Variants in ADAMTS3 observed in about 807,000 individuals in gnomAD.
ADAMTS3 encodes A disintegrin and metalloproteinase with thrombospondin motifs 3.
ADAMTS3 carries 73 observed loss-of-function variants against 129.0 expected under a neutral mutation model. The ratio of observed to expected loss-of-function variants is 0.57; its 90% confidence interval spans 0.47 to 0.69. The LOEUF is 0.69. Among genes scored for constraint, ADAMTS3 ranks in the 30% least tolerant of loss-of-function variants. The probability of loss-of-function intolerance (pLI) is 0.00; values close to 1 mark genes in which losing one functional copy is unlikely to be tolerated. For missense variants in ADAMTS3, 1,457 were observed against 1,514.5 expected, an observed-to-expected ratio of 0.96 and a Z score of 0.63; for synonymous variants, 477 against 510.8, an observed-to-expected ratio of 0.93 and a Z score of 0.89.
intron 3 of ADAMTS3, among the ~76,000 whole-genome samples, chr4:72,437,917 G>A (rs930300785): frequency 2.6e-5 from 4 of 151,604 alleles, no homozygotes; most frequent in African/African-American, 9.7e-5. Context: ...AAACACCCTC[G>A]ATAAGATTTT....
intron 3 of ADAMTS3, among the ~76,000 whole-genome samples, chr4:72,471,784 TTAA>T (rs1405345150): frequency 2.0e-5 from 3 of 152,074 alleles, no homozygotes; most frequent in Admixed American, 6.6e-5. Flanking sequence ...ACTGTAAAAA[TTAA>T]TAAATCAATA....
Position 72,290,968 on chromosome 4 carries a change from C to T in ADAMTS3, c.2818G>A (p.Gly940Ser), listed in dbSNP as rs749578202. ...TTGCTGTGCACAGAGCGGTTGGTGCCATCAAGGAGTGGCTGAAGGCAGCGT... is the reference window on the plus strand; with the variant it reads ...TTGCTGTGCACAGAGCGGTTGGTGCTATCAAGGAGTGGCTGAAGGCAGCGT... ...TVRCLQPLLDGTNRSVHSKYC... is the reference protein window; with the variant it reads ...TVRCLQPLLDSTNRSVHSKYC... Residue 940 changes from glycine to serine, a missense_variant, in exon 20 of 22, where the codon GGC becomes AGC. Coordinates refer to ENST00000286657, the MANE Select transcript of ADAMTS3 (RefSeq NM_014243.3). 1 of 1,613,910 alleles carries T rather than the reference C, an allele frequency of 6.2e-7. No individual in the cohort carries two copies. The highest frequency in any genetic ancestry group is 1.3e-5 in the African/African-American group (1 of 74,916).
intron 3 of ADAMTS3, among the ~76,000 whole-genome samples, chr4:72,415,642 G>A (rs1722285647): frequency 6.6e-6 from 1 of 151,676 alleles, no homozygotes; most frequent in Admixed American, 6.6e-5. Flanking sequence ...CTTTCACACT[G>A]AAAAGCCTAC....
intron 3 of ADAMTS3, 85 bp downstream of exon 3, chr4:72,548,393 C>G: frequency 7.2e-7 from 1 of 1,391,286 alleles, no homozygotes; most frequent in Non-Finnish European, 9.8e-7. Context: ...AGCCTCCTTT[C>G]CACCTCCACC....
intron 3 of ADAMTS3, among the ~76,000 whole-genome samples, chr4:72,470,672 CT>C (rs1439708326): frequency 6.6e-6 from 1 of 151,952 alleles, no homozygotes; most frequent in Non-Finnish European, 1.5e-5. Flanking sequence ...ACCTTTTTCA[CT>C]GTGTTGATAT....
intron 3 of ADAMTS3, among the ~76,000 whole-genome samples, chr4:72,525,327 T>G (rs1415540707): frequency 6.6e-6 from 1 of 152,198 alleles, no homozygotes; most frequent in Non-Finnish European, 1.5e-5. Flanking sequence ...GTCCTCAGAC[T>G]TTTCCCTGAA....
intron 3 of ADAMTS3, among the ~76,000 whole-genome samples, chr4:72,445,940 G>A (rs1040629037): frequency 4.6e-5 from 7 of 151,622 alleles, no homozygotes; most frequent in African/African-American, 1.7e-4. Flanking sequence ...AAACTACAAG[G>A]GATTGAGTAC....
intron 3 of ADAMTS3, among the ~76,000 whole-genome samples, chr4:72,524,266 G>A (rs546642695): frequency 1.3e-5 from 2 of 151,968 alleles, no homozygotes; most frequent in Non-Finnish European, 2.9e-5. Context: ...AAGGTAGGAA[G>A]GTATGCAAGT....
At chr4:72,403,214 T>C (rs2109911523) in intron 4 of ADAMTS3, among the ~76,000 whole-genome samples, 2 of 152,216 alleles carry the variant, frequency 1.3e-5, no homozygotes, top group Admixed American at 1.3e-4. Context: ...CTGGACATGG[T>C]ACTTCTGTCA....
intron 15 of ADAMTS3, among the ~76,000 whole-genome samples, chr4:72,307,745 A>G (rs1719125442): frequency 6.6e-6 from 1 of 152,058 alleles, no homozygotes; most frequent in Non-Finnish European, 1.5e-5. Context: ...TGCAGATTTC[A>G]TTTTCCAGCA....
intron 3 of ADAMTS3, among the ~76,000 whole-genome samples, chr4:72,423,849 T>C (rs1023201983): frequency 6.6e-6 from 1 of 152,046 alleles, no homozygotes; most frequent in Non-Finnish European, 1.5e-5. Context: ...ACTCAACTAT[T>C]GAGATGCATT....
intron 4 of ADAMTS3, among the ~76,000 whole-genome samples, chr4:72,348,954 G>T (rs574981727): frequency 6.6e-6 from 1 of 151,926 alleles, no homozygotes; most frequent in East Asian, 1.9e-4. Flanking sequence ...CTTGATTTTG[G>T]CCTTGTGATA....
intron 3 of ADAMTS3, among the ~76,000 whole-genome samples, chr4:72,416,791 T>TTATGTCCTA (rs1458895808): frequency 2.0e-5 from 3 of 152,194 alleles, no homozygotes; most frequent in Non-Finnish European, 2.9e-5. Flanking sequence ...TCATATTATT[T>TTATGTCCTA]TATCTCCTAT....
chr4:72,299,640 A>T (rs1326902158), intron 17 of ADAMTS3, among the ~76,000 whole-genome samples: 5 of 152,162 alleles, frequency 3.3e-5, no homozygotes, highest in African/African-American at 1.2e-4. Flanking sequence ...TGGCCATTTG[A>T]CACTACATGT....
chr4:72,349,398 T>C (rs1720369070), intron 4 of ADAMTS3, among the ~76,000 whole-genome samples: 1 of 151,954 alleles, frequency 6.6e-6, no homozygotes, highest in Non-Finnish European at 1.5e-5. Context: ...ATGAAAAAAA[T>C]GTGCTACACT....
At chr4:72,519,625 T>G (rs1085964) in intron 3 of ADAMTS3, among the ~76,000 whole-genome samples, 2 of 151,052 alleles carry the variant, frequency 1.3e-5, no homozygotes, top group East Asian at 3.9e-4. Context: ...TCCAGTTGAT[T>G]GCATCGGCTC....
chr4:72,551,256 A>G (rs1310959850), intron 2 of ADAMTS3, among the ~76,000 whole-genome samples: 1 of 152,182 alleles, frequency 6.6e-6, no homozygotes, highest in Admixed American at 6.6e-5. Context: ...TTAAGTGACT[A>G]GAGAACAAGA....
intron 3 of ADAMTS3, among the ~76,000 whole-genome samples, chr4:72,538,498 G>GA (rs759497666): frequency 2.1e-4 from 32 of 149,520 alleles, no homozygotes; most frequent in African/African-American, 4.4e-4. Context: ...AGAATAACAA[G>GA]AGAAAAAAAA....
At chr4:72,498,495 T>C (rs927070570) in intron 3 of ADAMTS3, among the ~76,000 whole-genome samples, 2 of 151,966 alleles carry the variant, frequency 1.3e-5, no homozygotes, top group Non-Finnish European at 2.9e-5. Flanking sequence ...ACTTTCAAGG[T>C]AATAAAGAAT....
Sources: gnomAD v4.1 joint callset for allele counts (sites outside exome capture counted in the v4.1 genomes callset) on GRCh38, gnomAD v4.1.1 for gene constraint, MANE v1.5 for transcripts, NCBI Gene and HGNC (gene_info 2026-07-23, HGNC 2026-07-21) for gene names.